AFF3: variants seen among roughly 807,000 people sequenced by gnomAD.
The protein encoded by AFF3 is ALF transcription elongation factor 3.
Under a neutral mutation model 129.7 loss-of-function variants are expected in AFF3, and 32 were observed. That is an observed-to-expected ratio of 0.25 (90% CI 0.19 to 0.33). AFF3 has a LOEUF of 0.33. Ranked by LOEUF, AFF3 falls within the 10% of genes least tolerant of loss-of-function variation. The pLI, the probability that AFF3 is intolerant of heterozygous loss-of-function variation, is 1.00. For synonymous variants in AFF3, 644 were observed against 635.4 expected (o/e 1.01, Z -0.20); for missense variants, 1,373 against 1,592.0 (o/e 0.86, Z 2.34).
chr2:100,064,170 CAAT>C (rs1268730646), intron 4 of AFF3, among the ~76,000 whole-genome samples: 3 of 151,778 alleles, frequency 2.0e-5, no homozygotes, highest in African/African-American at 7.3e-5. Flanking sequence ...TGATAAACAA[CAAT>C]GATAAAGAAA....
intron 7 of AFF3, among the ~76,000 whole-genome samples, chr2:99,898,219 A>AT (rs1558957316): frequency 1.3e-5 from 2 of 152,138 alleles, no homozygotes; most frequent in South Asian, 4.1e-4. Context: ...AAGAATGGAC[A>AT]TTTTTTCCCT....
At chr2:100,081,045 T>C (rs1689004983) in intron 4 of AFF3, among the ~76,000 whole-genome samples, 1 of 151,934 alleles carries the variant, frequency 6.6e-6, no homozygotes, top group African/African-American at 2.4e-5. Flanking sequence ...AGTTTTCTGC[T>C]GGGGGCTGGA....
At chr2:99,992,498 CT>C (rs1407310309) in intron 7 of AFF3, among the ~76,000 whole-genome samples, 1 of 152,184 alleles carries the variant, frequency 6.6e-6, no homozygotes, top group Non-Finnish European at 1.5e-5. Context: ...AATTTATATA[CT>C]TTGTAGCTAT....
Position 99,582,917 on chromosome 2 carries a change from T to G in AFF3, c.2674A>C (p.Thr892Pro). The G allele has an allele frequency of 1.2e-6, 2 of 1,614,074 alleles. No homozygotes were observed. Among genetic ancestry groups the G allele is most frequent in the Non-Finnish European group, 1.7e-6 (2 of 1,179,994 alleles). Residue 892 changes from threonine to proline, a missense_variant, in exon 17 of 25, where the codon ACC becomes CCC. Physicochemically the swap from Thr to Pro is conservative, Grantham distance 38. Coordinates refer to ENST00000672756, the MANE Select transcript of AFF3 (RefSeq NM_001386135.1). The stretch of plus-strand genomic sequence containing the variant: ...CTGGAAGAAGTTAAGTCCTCGCTGG[T>G]GTATTTGTGTTTAGATGCATCAGAG... The part of the protein sequence containing the change: ...PLSDASKHKY[T>P]SEDLTSSSRP...
At chr2:100,050,738 T>C (rs1037549961) in intron 4 of AFF3, among the ~76,000 whole-genome samples, 1 of 152,172 alleles carries the variant, frequency 6.6e-6, no homozygotes, top group African/African-American at 2.4e-5. Flanking sequence ...AAAGGGCAGA[T>C]CATTACCCCC....
chr2:99,935,209 A>G (rs1481755598), intron 7 of AFF3, among the ~76,000 whole-genome samples: 6 of 152,166 alleles, frequency 3.9e-5, no homozygotes, highest in Non-Finnish European at 8.8e-5. Flanking sequence ...CCCTGTCAAC[A>G]TGGTATTCAT....
intron 4 of AFF3, among the ~76,000 whole-genome samples, chr2:100,053,844 G>T (rs1686551844): frequency 6.6e-6 from 1 of 152,110 alleles, no homozygotes; most frequent in Admixed American, 6.5e-5. Context: ...GCTCTGAAGG[G>T]GCCTGAAGAG....
At chr2:100,013,636 A>G (rs554180528) in intron 4 of AFF3, among the ~76,000 whole-genome samples, 1 of 152,286 alleles carries the variant, frequency 6.6e-6, no homozygotes, top group South Asian at 2.1e-4. Context: ...AGTAGTTAAC[A>G]TGAGCCCCAG....
At chr2:99,873,564 A>T (rs1692039987) in intron 7 of AFF3, among the ~76,000 whole-genome samples, 1 of 152,172 alleles carries the variant, frequency 6.6e-6, no homozygotes, top group Non-Finnish European at 1.5e-5. Context: ...TTCGCAGTAC[A>T]TGTCCTGCAG....
intron 13 of AFF3, among the ~76,000 whole-genome samples, chr2:99,606,068 T>TA (rs966821751): frequency 6.6e-6 from 1 of 152,074 alleles, no homozygotes; most frequent in Non-Finnish European, 1.5e-5. Context: ...AAAGATGCTT[T>TA]AAAAAAATTA....
intron 13 of AFF3, among the ~76,000 whole-genome samples, chr2:99,639,443 C>A (rs1028982854): frequency 6.6e-6 from 1 of 152,188 alleles, no homozygotes; most frequent in Admixed American, 6.5e-5. Context: ...ATAGATGGTA[C>A]TTGCTGGGCC....
At chr2:99,606,730 T>A (rs374143356) in intron 13 of AFF3, among the ~76,000 whole-genome samples, 1 of 151,696 alleles carries the variant, frequency 6.6e-6, no homozygotes, top group Non-Finnish European at 1.5e-5. Context: ...CTGGCTAACA[T>A]GGTGAAACCC....
chr2:99,752,405 G>A, intron 8 of AFF3, 104 bp from the exon 9 acceptor site: 18 of 835,660 alleles, frequency 2.2e-5, no homozygotes, highest in East Asian at 5.5e-5. Context: ...GGCAGGGAAG[G>A]GTTAAAAAAT....
At chr2:100,109,623 A>G (rs2105523868) in intron 2 of AFF3, among the ~76,000 whole-genome samples, 1 of 152,320 alleles carries the variant, frequency 6.6e-6, no homozygotes, top group Admixed American at 6.5e-5. Flanking sequence ...CCATTCATGC[A>G]AGTTTCAAGG....
chr2:99,912,621 A>C (rs909888640), intron 7 of AFF3, among the ~76,000 whole-genome samples: 1 of 152,210 alleles, frequency 6.6e-6, no homozygotes, highest in Admixed American at 6.5e-5. Context: ...AGAAATCACT[A>C]GGATATGAAA....
At chr2:99,617,585 C>T (rs993343316) in intron 13 of AFF3, among the ~76,000 whole-genome samples, 3 of 152,130 alleles carry the variant, frequency 2.0e-5, no homozygotes, top group African/African-American at 2.4e-5. Flanking sequence ...GTATATATCT[C>T]TGTCTGTGGT....
At chr2:99,605,319 T>C (rs10209935) in intron 13 of AFF3, among the ~76,000 whole-genome samples, 1 of 152,258 alleles carries the variant, frequency 6.6e-6, no homozygotes, top group Non-Finnish European at 1.5e-5. Context: ...AAATTTATGA[T>C]GTCTGGATTA....
chr2:99,559,054 G>A (rs1675224748), intron 21 of AFF3, 86 bp from the exon 22 acceptor site: 2 of 1,215,576 alleles, frequency 1.6e-6, no homozygotes, highest in Admixed American at 3.7e-5. Context: ...GTTGTTCTAA[G>A]GTACTCAATA....
intron 13 of AFF3, among the ~76,000 whole-genome samples, chr2:99,623,613 C>T (rs1461212546): frequency 6.6e-6 from 1 of 152,222 alleles, no homozygotes; most frequent in African/African-American, 2.4e-5. Context: ...CCCATGGGGA[C>T]TGCAACCTTT....
Sources: allele counts gnomAD v4.1 joint callset (sites outside exome capture counted in the v4.1 genomes callset), GRCh38; gene constraint gnomAD v4.1.1; transcripts MANE v1.5; gene names NCBI Gene and HGNC (gene_info 2026-07-23, HGNC 2026-07-21).